Variants in KIRREL3 observed in about 807,000 individuals in gnomAD.
KIRREL3 encodes kirre like nephrin family adhesion molecule 3, also known as kin of IRRE-like protein 3.
A neutral mutation model predicts 89.7 loss-of-function variants in KIRREL3; 36 were observed. The observed-to-expected ratio is 0.40, with a 90% CI of 0.31 to 0.53. The LOEUF is 0.53. KIRREL3 is among the 20% of genes least tolerant of loss of function. The pLI, the probability that KIRREL3 is intolerant of heterozygous loss-of-function variation, is 0.49. For synonymous variants in KIRREL3, 445 were observed against 441.4 expected, an observed-to-expected ratio of 1.01 and a Z score of -0.10; for missense variants, 864 against 1,056.6, an observed-to-expected ratio of 0.82 and a Z score of 2.53.
Position 126,771,485 on chromosome 11 carries a change from G to C in KIRREL3, c.56-208573C>G, listed in dbSNP as rs1310669843. The stretch of plus-strand genomic sequence containing the variant: ...CTGATAATTTCTTTGCATCTTTTTT[G>C]GCTTTGCTGTACAGATTGGTGCAAA... On this transcript the variant is annotated intron_variant, in intron 1 of 16. Transcript: ENST00000525144. This position sits in a 1 kb window ranked among gnomAD's most constrained non-coding sequence, Gnocchi z 4.4. 2.0e-5 allele frequency among the ~76,000 whole-genome samples: 3 copies of C among 151,934 alleles called. No individual in the cohort carries two copies. Among genetic ancestry groups the C allele is most frequent in the African/African-American group, 7.3e-5 (3 of 41,352 alleles).
At chr11:126,619,149 A>C (rs1217194620) in intron 1 of KIRREL3, among the ~76,000 whole-genome samples, 1 of 152,260 alleles carries the variant, frequency 6.6e-6, no homozygotes. Flanking sequence ...TAATCAGGGA[A>C]GATTTTGCTA....
chr11:126,818,215 G>GC (rs1295977653), intron 1 of KIRREL3, among the ~76,000 whole-genome samples: 2 of 152,200 alleles, frequency 1.3e-5, no homozygotes, highest in Admixed American at 1.3e-4. Flanking sequence ...TGTTTTCACA[G>GC]CTGGGGAAAG....
intron 1 of KIRREL3, among the ~76,000 whole-genome samples, chr11:126,988,069 G>C (rs1433474595): frequency 2.0e-5 from 3 of 152,170 alleles, no homozygotes; most frequent in African/African-American, 7.2e-5. Flanking sequence ...GACAGAAAAG[G>C]AGGGTTTTGA....
rs978359721 is a variant in KIRREL3 at position 126,990,863 on chromosome 11, A to C, written c.55+9592T>G. Among the ~76,000 whole-genome samples the C allele has an allele frequency of 3.9e-5, 6 of 152,204 alleles. No homozygotes were observed. Among genetic ancestry groups the C allele is most frequent in the African/African-American group, 1.4e-4 (6 of 41,450 alleles). The stretch of plus-strand genomic sequence containing the variant: ...GTTTTGCTTTCTTTGCCACAAGGTC[A>C]GTGAGGCAGGGAAGGGTGGGAATCA... On this transcript the variant is annotated intron_variant, in intron 1 of 16. Transcript: ENST00000525144. This position sits in a 1 kb window ranked among gnomAD's most constrained non-coding sequence, Gnocchi z 6.3.
rs896071274 is a variant in KIRREL3 at position 126,736,505 on chromosome 11, G to A, written c.56-173593C>T. On this transcript the variant is annotated intron_variant, in intron 1 of 16. Transcript: ENST00000525144. This position sits in a 1 kb window ranked among gnomAD's most constrained non-coding sequence, Gnocchi z 5.0. ...AGGACCCTCAGAGATCATCTGGGCCGGTGGTTCTCACCTGGGGGCGATTTT... is the reference window on the plus strand; with the variant it reads ...AGGACCCTCAGAGATCATCTGGGCCAGTGGTTCTCACCTGGGGGCGATTTT... Among the ~76,000 whole-genome samples the A allele has an allele frequency of 2.4e-4, 36 of 152,112 alleles. No homozygotes were observed. Among genetic ancestry groups the A allele is most frequent in the Admixed American group, 1.1e-3 (17 of 15,268 alleles).
rs367626278 is a variant in KIRREL3 at position 126,586,541 on chromosome 11, C to T, written c.56-23629G>A. Among the ~76,000 whole-genome samples, 29 of 152,108 alleles carry T rather than the reference C, an allele frequency of 1.9e-4. 1 individual carries two copies. The highest frequency in any genetic ancestry group is 7.0e-4 in the African/African-American group (29 of 41,484). The stretch of plus-strand genomic sequence containing the variant: ...ACAGTTAGAGGCATCGGTGTTGTTA[C>T]TTTCCATTTTATAAACCCGAGGCTC... On this transcript the variant is annotated intron_variant, in intron 1 of 16. Coordinates refer to ENST00000525144, the MANE Select transcript of KIRREL3 (RefSeq NM_032531.4).
Position 126,665,225 on chromosome 11 carries a change from T to C in KIRREL3, c.56-102313A>G, listed in dbSNP as rs535785076. Reference sequence around the variant, plus strand: ...CCAAACACAGCTAATAGTCTGGGAATGGTGTCTGCAGGATGATGCAGTTGA... The same window carrying C: ...CCAAACACAGCTAATAGTCTGGGAACGGTGTCTGCAGGATGATGCAGTTGA... On this transcript the variant is annotated intron_variant, in intron 1 of 16. Transcript: ENST00000525144. Among the ~76,000 whole-genome samples, 6 of 152,344 alleles carry C rather than the reference T, an allele frequency of 3.9e-5. No individual in the cohort carries two copies. In the South Asian group the frequency reaches 1.2e-3, roughly 32 times the overall value.
rs12294644 is a variant in KIRREL3, at chr11:126,530,167, C to A, written c.134-3480G>T. On this transcript the variant is annotated intron_variant, in intron 2 of 16. Coordinates refer to ENST00000525144, the MANE Select transcript of KIRREL3 (RefSeq NM_032531.4). This position sits in a 1 kb window ranked among gnomAD's most constrained non-coding sequence, Gnocchi z 5.8. Reference sequence around the variant, plus strand: ...GTGGGGCAATCTTGGCTCACTGCAACCTTTGCCTCCCGGTTCAAGTGATTC... The same window carrying A: ...GTGGGGCAATCTTGGCTCACTGCAAACTTTGCCTCCCGGTTCAAGTGATTC... Among the ~76,000 whole-genome samples, 2 of 152,030 alleles carry A rather than the reference C, an allele frequency of 1.3e-5. No individual in the cohort carries two copies. Among genetic ancestry groups the A allele is most frequent in the Non-Finnish European group, 2.9e-5 (2 of 68,008 alleles).
In KIRREL3 at chr11:126,568,890, A is replaced by G. The variant is rs1318950593; in HGVS notation, c.56-5978T>C. ...TGCAGAGAGGTGGAGTGAGCTCTCC[A>G]GGGTGATATAATGAGCTATTAGGTT... On this transcript the variant is annotated intron_variant, in intron 1 of 16. Coordinates refer to ENST00000525144, the MANE Select transcript of KIRREL3 (RefSeq NM_032531.4). This position sits in a 1 kb window ranked among gnomAD's most constrained non-coding sequence, Gnocchi z 4.6. Among the ~76,000 whole-genome samples, 1 of 151,880 alleles carries G rather than the reference A, an allele frequency of 6.6e-6. No homozygotes were observed. Among genetic ancestry groups the G allele is most frequent in the Admixed American group, 6.6e-5 (1 of 15,234 alleles).
Position 126,867,019 on chromosome 11 carries a change from T to C in KIRREL3, c.55+133436A>G, listed in dbSNP as rs532976449. Among the ~76,000 whole-genome samples, 7 of 152,340 alleles carry C rather than the reference T, an allele frequency of 4.6e-5. No homozygotes were observed. The highest frequency in any genetic ancestry group is 1.3e-4 in the Admixed American group (2 of 15,306). The stretch of plus-strand genomic sequence containing the variant: ...CCTTGCGATAAGGCAGAGGGTCTAA[T>C]TGAGCTGGTTAACACAAGCTGCCAA... On this transcript the variant is annotated intron_variant, in intron 1 of 16. Coordinates refer to ENST00000525144, the MANE Select transcript of KIRREL3 (RefSeq NM_032531.4). This position sits in a 1 kb window ranked among gnomAD's most constrained non-coding sequence, Gnocchi z 4.7.
chr11:126,450,569 GTGCA>G (rs1241189336), intron 7 of KIRREL3, among the ~76,000 whole-genome samples: 2 of 151,260 alleles, frequency 1.3e-5, no homozygotes, highest in African/African-American at 2.4e-5. Context: ...GCATGTGCGT[GTGCA>G]TGTGTGCATG....
In KIRREL3 at chr11:126,475,246, C is replaced by A. The variant is rs954756119; in HGVS notation, c.434-1780G>T. ...AGAGCTGAACAGTCACAGCTCCGGG[C>A]CCGTCCTGACTCCACTGGCTCAGCC... On this transcript the variant is annotated intron_variant, in intron 4 of 16. Coordinates refer to ENST00000525144, the MANE Select transcript of KIRREL3 (RefSeq NM_032531.4). This position sits in a 1 kb window ranked among gnomAD's most constrained non-coding sequence, Gnocchi z 7.5. Among the ~76,000 whole-genome samples, 8 of 152,120 alleles carry A rather than the reference C, an allele frequency of 5.3e-5. No homozygotes were observed. The highest frequency in any genetic ancestry group is 1.0e-4 in the Non-Finnish European group (7 of 68,002).
chr11:126,433,906 T>C (rs1955224701), intron 13 of KIRREL3, among the ~76,000 whole-genome samples: 3 of 152,224 alleles, frequency 2.0e-5, no homozygotes, highest in African/African-American at 7.2e-5. Flanking sequence ...CCTGGAGAGC[T>C]GGGCAGCAGC....
chr11:126,733,381 C>A (rs58352754), intron 1 of KIRREL3, among the ~76,000 whole-genome samples: 27,642 of 152,104 alleles, frequency 0.18, 2,635 homozygotes, highest in African/African-American at 0.2. Context: ...ACCTGAGACA[C>A]CTTAATTCTC....
chr11:126,560,192 T>C (rs1402079597), intron 2 of KIRREL3, among the ~76,000 whole-genome samples: 3 of 152,186 alleles, frequency 2.0e-5, no homozygotes, highest in Admixed American at 6.5e-5. Flanking sequence ...CTTTACTTCC[T>C]CCTTTCTTGC....
intron 1 of KIRREL3, among the ~76,000 whole-genome samples, chr11:126,629,174 T>A (rs1943914167): frequency 6.6e-6 from 1 of 152,206 alleles, no homozygotes; most frequent in South Asian, 2.1e-4. Flanking sequence ...TTGATTTAGT[T>A]GCTCTCTGGG....
At chr11:126,547,455 G>C (rs565888645) in intron 2 of KIRREL3, among the ~76,000 whole-genome samples, 1 of 152,192 alleles carries the variant, frequency 6.6e-6, no homozygotes, top group African/African-American at 2.4e-5. Context: ...CTGTGTGTAC[G>C]CGTGATCCCT....
rs1001774739 is a variant in KIRREL3, at chr11:126,904,900, G to A, written c.55+95555C>T. ...GGTATCTAGGACAACTCCAAGTATAGCTAAGTATATAATAAATAACTGACT... is the reference window on the plus strand; with the variant it reads ...GGTATCTAGGACAACTCCAAGTATAACTAAGTATATAATAAATAACTGACT... On this transcript the variant is annotated intron_variant, in intron 1 of 16. Coordinates refer to ENST00000525144, the MANE Select transcript of KIRREL3 (RefSeq NM_032531.4). This position sits in a 1 kb window ranked among gnomAD's most constrained non-coding sequence, Gnocchi z 4.4. Among the ~76,000 whole-genome samples, 1 of 152,050 alleles carries A rather than the reference G, an allele frequency of 6.6e-6. No homozygotes were observed. Among genetic ancestry groups the A allele is most frequent in the Non-Finnish European group, 1.5e-5 (1 of 68,020 alleles).
Position 126,704,166 on chromosome 11 carries a change from C to T in KIRREL3, c.56-141254G>A, listed in dbSNP as rs1947424556. On this transcript the variant is annotated intron_variant, in intron 1 of 16. Transcript: ENST00000525144. The surrounding 1 kb of genome is among the most constrained non-coding windows in gnomAD (Gnocchi z 4.2). ...CAGAAGGCTGTCACACAATCTTGCA[C>T]ACACCCACACATTTGCACATGCCCA... 6.6e-6 allele frequency among the ~76,000 whole-genome samples: 1 copy of T among 152,232 alleles called. No individual in the cohort carries two copies. Among genetic ancestry groups the T allele is most frequent in the Non-Finnish European group, 1.5e-5 (1 of 68,038 alleles).
Sources: allele counts gnomAD v4.1 joint callset (sites outside exome capture counted in the v4.1 genomes callset), GRCh38; gene constraint gnomAD v4.1.1; non-coding constraint Gnocchi (gnomAD v3.1); transcripts MANE v1.5; gene names NCBI Gene and HGNC (gene_info 2026-07-23, HGNC 2026-07-21).